PAK3: variants seen among roughly 807,000 people sequenced by gnomAD.
PAK3 encodes serine/threonine-protein kinase PAK 3.
In PAK3, 4 loss-of-function variants were observed where a neutral mutation model predicts 41.0. The observed-to-expected ratio is 0.10, with a 90% CI of 0.05 to 0.22. The LOEUF is 0.22. Among genes scored for constraint, PAK3 ranks in the 10% least tolerant of loss-of-function variants. PAK3 has a pLI of 1.00. For missense variants in PAK3, 205 were observed against 409.9 expected, an observed-to-expected ratio of 0.50 and a Z score of 4.32; for synonymous variants, 146 against 139.6, an observed-to-expected ratio of 1.05 and a Z score of -0.32.
chrX:110,977,718 C>T (rs1383210864), intron 1 of PAK3, among the ~76,000 whole-genome samples: 1 of 111,772 alleles, frequency 8.9e-6, no homozygotes, highest in African/African-American at 3.2e-5. Flanking sequence ...CTACTGTATA[C>T]AAATAAAATT....
At chrX:110,979,229 A>G (rs1316580481) in intron 1 of PAK3, among the ~76,000 whole-genome samples, 6 of 107,752 alleles carry the variant, frequency 5.6e-5, no homozygotes, top group East Asian at 2.9e-4. Flanking sequence ...TGAAGGATCA[A>G]TTCAGTCAAT....
chrX:111,056,986 A>T (rs1193349810), intron 1 of PAK3, among the ~76,000 whole-genome samples: 1 of 112,026 alleles, frequency 8.9e-6, no homozygotes, highest in Middle Eastern at 4.2e-3. Context: ...GTGTGTAAAC[A>T]TGCATGTTTC....
chrX:111,044,080 C>A (rs1384158866), intron 1 of PAK3, among the ~76,000 whole-genome samples: 1 of 111,167 alleles, frequency 9.0e-6, no homozygotes, highest in Admixed American at 9.5e-5. Context: ...TGGCTTCAAC[C>A]ATTATAAGAA....
At position 111,216,532 on chromosome X, in the gene PAK3, C is replaced by T; in HGVS notation, c.1519C>T (p.Arg507Ter). 1 of 1,200,092 alleles carries T rather than the reference C, an allele frequency of 8.3e-7. No homozygotes were observed. Among genetic ancestry groups the T allele is most frequent in the Non-Finnish European group, 1.1e-6 (1 of 885,181 alleles). ...CTGTCTTGAGATGGATGTGGATAGG[C>T]GAGGATCTGCCAAGGAGCTTTTGCA... ...NRCLEMDVDR[R>*]GSAKELLQHP... is the part of the protein sequence containing the mutation. Residue 507 changes from arginine (R) to a stop codon, truncating the protein, a stop_gained, in exon 17 of 18, where the codon CGA becomes TGA. Transcript: ENST00000372007. LOFTEE classifies it high-confidence loss of function.
chrX:111,157,222 G>A (rs2094117756), intron 8 of PAK3, among the ~76,000 whole-genome samples: 1 of 111,656 alleles, frequency 9.0e-6, no homozygotes, highest in Non-Finnish European at 1.9e-5. Flanking sequence ...ATCACCAAAA[G>A]TGGCCCCCAA....
In PAK3 at chrX:111,222,112, AAC is replaced by A. The variant is rs2094930816; in HGVS notation, c.*1667_*1668del. 8.9e-5 allele frequency: 10 copies of A among 111,922 alleles called. No individual in the cohort carries two copies. Among genetic ancestry groups the A allele is most frequent in the Non-Finnish European group, 1.9e-5 (1 of 53,136 alleles). The allele number at this position is 111,922 out of a possible 1,213,427, so 9.2% of individuals were successfully genotyped here. A position where few individuals can be genotyped will look rare whatever the true frequency, so the allele number is the denominator to read the frequency against. ...TGTTTCTCTAAGCCTTTGAAAAACTAACAATTTGTGTTATAGAAGGCTTCTTA... is the reference window on the plus strand; with the variant it reads ...TGTTTCTCTAAGCCTTTGAAAAACTAAATTTGTGTTATAGAAGGCTTCTTA... On this transcript the variant is annotated 3_prime_UTR_variant, in exon 18 of 18. Transcript: ENST00000372007.
intron 1 of PAK3, among the ~76,000 whole-genome samples, chrX:111,072,941 G>A (rs1360501409): frequency 9.0e-6 from 1 of 111,639 alleles, no homozygotes; most frequent in Admixed American, 9.5e-5. Flanking sequence ...AACTGAAAGG[G>A]GCATTCCTAC....
chrX:111,112,841 C>T (rs1460669448), intron 4 of PAK3, among the ~76,000 whole-genome samples: 2 of 111,197 alleles, frequency 1.8e-5, no homozygotes, highest in Non-Finnish European at 3.8e-5. Context: ...AATGTAACAT[C>T]GAAGGTAAGT....
At chrX:111,209,836 A>T (rs991943836) in intron 16 of PAK3, among the ~76,000 whole-genome samples, 6 of 112,622 alleles carry the variant, frequency 5.3e-5, no homozygotes, top group African/African-American at 1.9e-4. Flanking sequence ...TTTATTGAGT[A>T]CATATGGATT....
intron 3 of PAK3, among the ~76,000 whole-genome samples, chrX:111,101,960 G>C (rs773587642): frequency 8.9e-6 from 1 of 111,938 alleles, no homozygotes; most frequent in South Asian, 3.8e-4. Flanking sequence ...GCTCCCTAAG[G>C]CTTCAATTTT....
chrX:110,958,917 A>G lies in PAK3; in HGVS notation c.-28+14289A>G, dbSNP rs143163515. Among the ~76,000 whole-genome samples the G allele has an allele frequency of 9.1e-4, 102 of 112,012 alleles. No homozygotes were observed. In the East Asian group the frequency reaches 0.02, roughly 22 times the overall value. ...TCAACCTTACTCTTCTTGCCAAGGC[A>G]TGGGACATTACTCTGGATTATGCTT... On this transcript the variant is annotated intron_variant, in intron 1 of 14. Transcript: ENST00000425146.
intron 8 of PAK3, among the ~76,000 whole-genome samples, chrX:111,154,928 AGCCTGT>A (rs1259165013): frequency 9.0e-6 from 1 of 111,561 alleles, no homozygotes; most frequent in Non-Finnish European, 1.9e-5. Flanking sequence ...TTGCTAGGAT[AGCCTGT>A]GTATTGGTTT....
At chrX:111,099,999 A>T (rs1028531070) in intron 3 of PAK3, among the ~76,000 whole-genome samples, 4 of 109,192 alleles carry the variant, frequency 3.7e-5, no homozygotes, top group African/African-American at 1.3e-4. Context: ...ACAACCACAT[A>T]TATTTCATCT....
intron 1 of PAK3, among the ~76,000 whole-genome samples, chrX:111,009,073 A>G (rs765393714): frequency 4.5e-5 from 5 of 111,315 alleles, no homozygotes; most frequent in Non-Finnish European, 9.4e-5. Flanking sequence ...TATCATTTTA[A>G]CATGAAGAAT....
At chrX:111,021,020 C>A (rs376640869) in intron 1 of PAK3, among the ~76,000 whole-genome samples, 2 of 111,548 alleles carry the variant, frequency 1.8e-5, no homozygotes, top group African/African-American at 6.5e-5. Flanking sequence ...TAAGGAGAGG[C>A]GGAGCTCAGA....
At chrX:111,125,243 C>A (rs993249158) in intron 5 of PAK3, among the ~76,000 whole-genome samples, 2 of 111,627 alleles carry the variant, frequency 1.8e-5, no homozygotes, top group Non-Finnish European at 3.8e-5. Flanking sequence ...ATTAATGTGA[C>A]CTGTGAGAAG....
chrX:111,150,761 G>T (rs2094015272), intron 7 of PAK3, among the ~76,000 whole-genome samples: 1 of 111,579 alleles, frequency 9.0e-6, no homozygotes, highest in South Asian at 3.8e-4. Context: ...AACCATATCT[G>T]CAACTGAAAT....
chrX:111,153,069 G>A (rs2094053244), intron 8 of PAK3, among the ~76,000 whole-genome samples: 2 of 111,664 alleles, frequency 1.8e-5, no homozygotes, highest in African/African-American at 3.2e-5. Flanking sequence ...TCTCTTACAT[G>A]TAGAACTTTG....
intron 1 of PAK3, among the ~76,000 whole-genome samples, chrX:111,072,635 C>T (rs2092754205): frequency 8.9e-6 from 1 of 112,103 alleles, no homozygotes; most frequent in Non-Finnish European, 1.9e-5. Context: ...GTGAAGACCC[C>T]CATATGTTTA....
Sources: allele counts gnomAD v4.1 joint callset (sites outside exome capture counted in the v4.1 genomes callset), GRCh38; gene constraint gnomAD v4.1.1; transcripts MANE v1.5; gene names NCBI Gene and HGNC (gene_info 2026-07-23, HGNC 2026-07-21).